ARMCX4: variants seen among roughly 807,000 people sequenced by gnomAD.
ARMCX4 encodes the protein armadillo repeat-containing X-linked protein 4.
ARMCX4 carries 3 observed loss-of-function variants against 34.7 expected under a neutral mutation model. That is an observed-to-expected ratio of 0.09 (90% CI 0.04 to 0.22). ARMCX4 has a LOEUF of 0.22. Among genes scored for constraint, ARMCX4 ranks in the 10% least tolerant of loss-of-function variants. ARMCX4 has a pLI of 1.00. For synonymous variants in ARMCX4, 513 were observed against 632.8 expected (o/e 0.81, Z 2.84); for missense variants, 1,448 against 1,720.8 (o/e 0.84, Z 2.81).
At chrX:101,426,044 A>G (rs782295880) in intron 2 of ARMCX4, among the ~76,000 whole-genome samples, 22 of 110,080 alleles carry the variant, frequency 2.0e-4, no homozygotes, top group African/African-American at 7.3e-4. Context: ...TCTGGTCTCG[A>G]ATTCCAGGGC....
chrX:101,471,688 C>T lies in ARMCX4; in HGVS notation c.-472-14335C>T. On this transcript the variant is annotated intron_variant and NMD_transcript_variant, in intron 4 of 15. Transcript: ENST00000433011. ...AGCCTAACTAGGAGGCACCCCCCAG[C>T]AGGGGCACACTGACACCTCACACAG... 2.8e-5 allele frequency among the ~76,000 whole-genome samples: 3 copies of T among 108,713 alleles called. 1 individual carries two copies. In the Middle Eastern group the frequency reaches 0.014, roughly 518 times the overall value. The allele number at this position is 108,713 out of a possible 115,157, so 94.4% of individuals were successfully genotyped here.
chrX:101,439,463 G>C (rs1298775276), intron 2 of ARMCX4, among the ~76,000 whole-genome samples: 2 of 111,250 alleles, frequency 1.8e-5, no homozygotes, highest in Admixed American at 9.6e-5. Flanking sequence ...TCTTGGAGTT[G>C]CTCTTCTTGA....
intron 4 of ARMCX4, among the ~76,000 whole-genome samples, chrX:101,462,534 G>A (rs782774830): frequency 3.7e-5 from 4 of 107,221 alleles, no homozygotes; most frequent in Non-Finnish European, 7.7e-5. Context: ...CAGCTACTCC[G>A]GAGGCTGAGG....
chrX:101,477,869 A>C (rs1933269604), intron 4 of ARMCX4, among the ~76,000 whole-genome samples: 1 of 112,246 alleles, frequency 8.9e-6, no homozygotes, highest in South Asian at 3.6e-4. Flanking sequence ...GTAATCTACT[A>C]TATTAAAATC....
rs1556011566 is a variant in ARMCX4 at position 101,495,289 on chromosome X, T to G, written c.6700T>G (p.Tyr2234Asp). The G allele has an allele frequency of 8.8e-7, 1 of 1,142,469 alleles. No homozygotes were observed. The highest frequency in any genetic ancestry group is 1.9e-5 in the South Asian group (1 of 51,771). The allele number at this position is 1,142,469 out of a possible 1,213,427, so 94.2% of individuals were successfully genotyped here. The change falls in exon 6 of 6, where the codon TAC becomes GAC. Residue 2234 changes from tyrosine (Y) to aspartate (D), a missense_variant. Physicochemically the swap from Tyr to Asp is radical, Grantham distance 160. Coordinates refer to ENST00000423738, the MANE Select transcript of ARMCX4 (RefSeq NM_001256155.3). ...NALSLFENIN[Y>D]HFKRRAKAFT... ...TCTTTCACTATTTGAAAATATAAAT[T>G]ACCATTTTAAAAGAAGAGCAAAAGC...
At chrX:101,515,391 T>TTTTCTTTCTTTCCCTCCC (rs1934700768) in intron 11 of ARMCX4, among the ~76,000 whole-genome samples, 1 of 18,220 alleles carries the variant, frequency 5.5e-5, no homozygotes, top group Admixed American at 5.3e-4. Flanking sequence ...TTTTCTTTCT[T>TTTTCTTTCTTTCCCTCCC]TCCCTCCCTC....
chrX:101,476,568 C>T (rs181511649), intron 4 of ARMCX4, among the ~76,000 whole-genome samples: 106 of 110,347 alleles, frequency 9.6e-4, no homozygotes, highest in East Asian at 3.7e-3. Flanking sequence ...GTCCCCACAC[C>T]GAATCCAAAA....
intron 2 of ARMCX4, among the ~76,000 whole-genome samples, chrX:101,432,953 T>A (rs1402305010): frequency 2.7e-5 from 2 of 73,810 alleles, no homozygotes; most frequent in Non-Finnish European, 5.7e-5. Flanking sequence ...TATACACACA[T>A]GTATACATAT....
chrX:101,484,001 A>G (rs1933584144), upstream of ARMCX4, among the ~76,000 whole-genome samples: 1 of 111,951 alleles, frequency 8.9e-6, no homozygotes, highest in African/African-American at 3.2e-5. Flanking sequence ...TAACTTCTGC[A>G]TATTTGGTCC....
chrX:101,517,659 G>C (rs1272061702), intron 11 of ARMCX4, among the ~76,000 whole-genome samples: 1 of 111,765 alleles, frequency 8.9e-6, no homozygotes, highest in African/African-American at 3.2e-5. Flanking sequence ...TCAAAGATGT[G>C]AAACAAAAAA....
chrX:101,472,990 C>T (rs1465355589), intron 4 of ARMCX4, among the ~76,000 whole-genome samples: 2 of 109,074 alleles, frequency 1.8e-5, no homozygotes, highest in Non-Finnish European at 3.8e-5. Context: ...ACTAAATGCT[C>T]CAATTAAAAG....
intron 2 of ARMCX4, among the ~76,000 whole-genome samples, chrX:101,431,600 G>A (rs919053766): frequency 2.6e-4 from 29 of 111,522 alleles, no homozygotes; most frequent in Middle Eastern, 4.6e-3. Context: ...CTGGAGTGCA[G>A]TGGCACAATC....
Position 101,492,208 on chromosome X carries a change from G to T in ARMCX4, c.3619G>T (p.Ala1207Ser). The T allele has an allele frequency of 2.6e-6, 3 of 1,143,176 alleles. No homozygotes were observed. Among genetic ancestry groups the T allele is most frequent in the Non-Finnish European group, 3.5e-6 (3 of 866,243 alleles). The allele number at this position is 1,143,176 out of a possible 1,213,427, so 94.2% of individuals were successfully genotyped here. Residue 1207 changes from alanine (A) to serine (S), a missense_variant, in exon 6 of 6, where the codon GCC (alanine) becomes TCC (serine). By Grantham distance (99) the Ala-to-Ser change is moderately conservative (BLOSUM62 1). Transcript: ENST00000423738. ...TGAGGGGACCTGGGCTGGGGACAAGGCCAGTGGAGGAGCCTGGACTGGGGC... is the reference window on the plus strand; with the variant it reads ...TGAGGGGACCTGGGCTGGGGACAAGTCCAGTGGAGGAGCCTGGACTGGGGC... ...TSEGTWAGDK[A>S]SGGAWTGAEN... is the part of the protein sequence containing the mutation.
At chrX:101,432,971 T>TACACACATATGTATACATACAC (rs1491097504) in intron 2 of ARMCX4, among the ~76,000 whole-genome samples, 1 of 39,115 alleles carries the variant, frequency 2.6e-5, no homozygotes, top group Admixed American at 2.6e-4. Context: ...TATGTGTATA[T>TACACACATATGTATACATACAC]GTGTATATAT....
upstream of ARMCX4, among the ~76,000 whole-genome samples, chrX:101,480,835 A>G (rs1352762999): frequency 8.9e-6 from 1 of 112,127 alleles, no homozygotes; most frequent in African/African-American, 3.2e-5. Flanking sequence ...TAAAAGGACA[A>G]TCTTGCCAGG....
intron 11 of ARMCX4, among the ~76,000 whole-genome samples, chrX:101,511,276 T>C (rs1934574491): frequency 9.0e-6 from 1 of 111,624 alleles, no homozygotes; most frequent in Non-Finnish European, 1.9e-5. Context: ...TTAAAAAATC[T>C]CTTTCTTATT....
chrX:101,529,116 G>A (rs1444168503), intron 11 of ARMCX4, among the ~76,000 whole-genome samples: 2 of 111,577 alleles, frequency 1.8e-5, no homozygotes, highest in Non-Finnish European at 3.8e-5. Flanking sequence ...AAACAGCATG[G>A]TACTCGTACC....
At chrX:101,454,650 A>G (rs1044281647) in intron 4 of ARMCX4, among the ~76,000 whole-genome samples, 2 of 111,301 alleles carry the variant, frequency 1.8e-5, no homozygotes, top group Non-Finnish European at 3.8e-5. Context: ...AGAGATGTTC[A>G]TAATTGGCTC....
At chrX:101,428,624 G>C (rs1290145822) in intron 2 of ARMCX4, among the ~76,000 whole-genome samples, 2 of 110,925 alleles carry the variant, frequency 1.8e-5, no homozygotes, top group Non-Finnish European at 3.8e-5. Context: ...ATCTCTCTCT[G>C]TTCTCTACTT....
Sources: gnomAD v4.1 joint callset for allele counts (sites outside exome capture counted in the v4.1 genomes callset) on GRCh38, gnomAD v4.1.1 for gene constraint, MANE v1.5 for transcripts, NCBI Gene and HGNC (gene_info 2026-07-23, HGNC 2026-07-21) for gene names.